Variants in ABCC9 observed in about 807,000 individuals in gnomAD.
ABCC9 encodes ATP binding cassette subfamily C member 9.
Under a neutral mutation model 188.3 loss-of-function variants are expected in ABCC9, and 95 were observed. The ratio of observed to expected loss-of-function variants is 0.50; its 90% CI spans 0.43 to 0.60. ABCC9 has a LOEUF of 0.60. ABCC9 is among the 20% of genes least tolerant of loss of function. ABCC9 has a pLI of 0.00. For synonymous variants in ABCC9, 659 were observed against 652.7 expected, an observed-to-expected ratio of 1.01 and a Z score of -0.15; for missense variants, 1,102 against 1,876.3, an observed-to-expected ratio of 0.59 and a Z score of 7.62.
chr12:21,926,284 C>T (rs1949042835), intron 4 of ABCC9, among the ~76,000 whole-genome samples: 1 of 152,160 alleles, frequency 6.6e-6, no homozygotes, highest in South Asian at 2.1e-4. Flanking sequence ...AACAACAAAA[C>T]TATACCTTAA....
At chr12:21,907,511 C>T (rs906843181) in intron 11 of ABCC9, among the ~76,000 whole-genome samples, 11 of 151,982 alleles carry the variant, frequency 7.2e-5, no homozygotes, top group African/African-American at 1.9e-4. Context: ...GCAGCAAATT[C>T]GTGCTCAAAT....
intron 22 of ABCC9, among the ~76,000 whole-genome samples, chr12:21,858,506 G>A (rs1007059778): frequency 6.6e-6 from 1 of 151,878 alleles, no homozygotes; most frequent in Non-Finnish European, 1.5e-5. Context: ...TTGAACTTGG[G>A]AGGTGGAGGT....
intron 4 of ABCC9, among the ~76,000 whole-genome samples, chr12:21,927,596 G>A (rs1469013466): frequency 1.3e-5 from 2 of 152,132 alleles, no homozygotes; most frequent in African/African-American, 4.8e-5. Flanking sequence ...CTGTGTGGAT[G>A]GCCGTGTGAC....
intron 24 of ABCC9, among the ~76,000 whole-genome samples, chr12:21,848,459 C>A (rs1485205536): frequency 6.6e-6 from 1 of 152,136 alleles, no homozygotes; most frequent in Non-Finnish European, 1.5e-5. Context: ...AGGTGTGGAG[C>A]AGCACACGAG....
At position 21,852,419 on chromosome 12, in the gene ABCC9, C is replaced by T; in HGVS notation, c.2592G>A (p.Arg864=). ...ATTTGTGAGTCACAAGAACGAGTGT[C>T]CTTTTGTCATCTTGCAGGAATTTCA... ...GILKFLQDDK[R]TLVLVTHKLQ... Residue 864 remains arginine (R), a synonymous_variant, in exon 23 of 40, where the codon AGG becomes AGA. Transcript: ENST00000261200. 6.2e-7 allele frequency: 1 copy of T among 1,613,942 alleles called. No individual in the cohort carries two copies. The highest frequency in any genetic ancestry group is 8.5e-7 in the Non-Finnish European group (1 of 1,179,980).
intron 8 of ABCC9, among the ~76,000 whole-genome samples, chr12:21,911,338 C>A (rs1948314671): frequency 6.6e-6 from 1 of 151,818 alleles, no homozygotes; most frequent in Non-Finnish European, 1.5e-5. Context: ...GCCAGCAAGA[C>A]CAATGGAAGA....
At position 21,861,036 on chromosome 12, in the gene ABCC9, C is replaced by T. The variant is rs1289114645; in HGVS notation, c.2359G>A (p.Ala787Thr). The T allele has an allele frequency of 1.2e-6, 2 of 1,613,442 alleles. No homozygotes were observed. Among genetic ancestry groups the T allele is most frequent in the Non-Finnish European group, 1.7e-6 (2 of 1,179,748 alleles). The change falls in exon 21 of 40, where the codon GCC becomes ACC. Residue 787 changes from alanine (A) to threonine (T), a missense_variant. By Grantham distance (58) the Ala-to-Thr change is moderately conservative. Transcript: ENST00000261200. Reference protein sequence around the residue: ...NKQRYKAVTDACSLQPDIDLL... With the variant: ...NKQRYKAVTDTCSLQPDIDLL... ...TCAATATCTGGCTGAAGAGAACAGG[C>T]ATCTGTGACAGCTTTGTACCTTTGG...
At chr12:21,868,506 G>T (rs1018696302) in intron 18 of ABCC9, among the ~76,000 whole-genome samples, 2 of 152,114 alleles carry the variant, frequency 1.3e-5, no homozygotes, top group Non-Finnish European at 2.9e-5. Context: ...AGGCATGGTG[G>T]CAGGCACCTG....
rs747498785 is a variant in ABCC9 at position 21,859,649 on chromosome 12, C to T, written c.2442G>A (p.Gly814=). 6.2e-7 allele frequency: 1 copy of T among 1,613,850 alleles called. No individual in the cohort carries two copies. Among genetic ancestry groups the T allele is most frequent in the Non-Finnish European group, 8.5e-7 (1 of 1,179,834 alleles). The change falls in exon 22 of 40, where the codon GGG becomes GGA. Residue 814 remains glycine (G), a synonymous_variant. Transcript: ENST00000261200. ...CCACACAGATTCTCTGCCTCTGTCC[C>T]CCACTCAGGTTGATGCCCTAGAGAA... ...EIGERGINLS[G]GQRQRICVAR...
chr12:21,850,736 T>C (rs1944920670), intron 24 of ABCC9, among the ~76,000 whole-genome samples: 2 of 152,116 alleles, frequency 1.3e-5, no homozygotes, highest in African/African-American at 2.4e-5. Context: ...CGTCATCTTC[T>C]TTTGTCCCTG....
rs74070310 is a variant in ABCC9, at chr12:21,827,370, G to A, written c.3669+1588C>T. The A allele has an allele frequency of 3.9e-4, 368 of 938,398 alleles. 1 individual carries two copies. In the African/African-American group the frequency reaches 6.1e-3, roughly 16 times the overall value. 58.1% of individuals were successfully genotyped at this position (938,398 alleles called of 1,614,324 possible). On this transcript the variant is annotated intron_variant, in intron 31 of 39. Coordinates refer to ENST00000261200, the MANE Select transcript of ABCC9 (RefSeq NM_020297.4). ...CTCACCTCAAGTCCAAGGCAAATAT[G>A]CTTGCCCCTAAAAGACATACTTGAT...
At chr12:21,860,860 CAT>C (rs1945468659) in intron 21 of ABCC9, 109 bp downstream of exon 21, 4 of 868,178 alleles carry the variant, frequency 4.6e-6, no homozygotes. Context: ...ACTGGGACAA[CAT>C]ACAACTCCTA....
intron 28 of ABCC9, among the ~76,000 whole-genome samples, 179 bp from the exon 29 acceptor site, chr12:21,842,650 T>C (rs887313566): frequency 6.6e-6 from 1 of 152,262 alleles, no homozygotes; most frequent in African/African-American, 2.4e-5. Context: ...TCTGTCTATT[T>C]ATCTATCAAC....
chr12:21,919,438 A>G (rs1948722623), intron 5 of ABCC9, among the ~76,000 whole-genome samples: 1 of 151,974 alleles, frequency 6.6e-6, no homozygotes, highest in Non-Finnish European at 1.5e-5. Context: ...GAAATGGAAA[A>G]TTACTTAAAA....
Position 21,887,901 on chromosome 12 carries a change from A to G in ABCC9, c.1836T>C (p.Asp612=). Residue 612 remains aspartate, a synonymous_variant, in exon 15 of 40, where the codon GAT becomes GAC. Transcript: ENST00000261200. ...TTCGCCAACTGTCGTCACCAATCTC[A>G]TCACTCAAGAGAAACTCATTCAGCT... ...VQKLNEFLLS[D]EIGDDSWRTG... 1.9e-6 allele frequency: 3 copies of G among 1,609,290 alleles called. No individual in the cohort carries two copies. Among genetic ancestry groups the G allele is most frequent in the Non-Finnish European group, 2.6e-6 (3 of 1,175,710 alleles).
intron 15 of ABCC9, among the ~76,000 whole-genome samples, 198 bp from the exon 16 acceptor site, chr12:21,883,071 G>A (rs1357797275): frequency 6.6e-6 from 1 of 152,038 alleles, no homozygotes; most frequent in African/African-American, 2.4e-5. Flanking sequence ...TGCCTCTTGA[G>A]AAAAAATGAA....
At chr12:21,939,478 G>A (rs573457911) in intron 2 of ABCC9, among the ~76,000 whole-genome samples, 1 of 152,266 alleles carries the variant, frequency 6.6e-6, no homozygotes, top group Non-Finnish European at 1.5e-5. Context: ...ATTTCCAATT[G>A]TCATTTAATG....
chr12:21,871,319 G>A (rs1343896408), intron 18 of ABCC9, among the ~76,000 whole-genome samples: 3 of 152,104 alleles, frequency 2.0e-5, no homozygotes, highest in Non-Finnish European at 2.9e-5. Context: ...AACTGAGGTA[G>A]CAATGTTTCA....
At chr12:21,899,366 T>C (rs1035843635) in intron 12 of ABCC9, among the ~76,000 whole-genome samples, 1 of 152,208 alleles carries the variant, frequency 6.6e-6, no homozygotes, top group Non-Finnish European at 1.5e-5. Flanking sequence ...AGCTCCAGTC[T>C]GCAGCTACCA....
Sources: gnomAD v4.1 joint callset for allele counts (sites outside exome capture counted in the v4.1 genomes callset) on GRCh38, gnomAD v4.1.1 for gene constraint, MANE v1.5 for transcripts, NCBI Gene and HGNC (gene_info 2026-07-23, HGNC 2026-07-21) for gene names.